The following NID1 variants were observed in gnomAD, a reference collection of about 807,000 sequenced individuals.
NID1 encodes the protein nidogen-1.
Under a neutral mutation model 130.6 loss-of-function variants are expected in NID1, and 76 were observed. The observed-to-expected ratio is 0.58, with a 90% CI of 0.48 to 0.70. The LOEUF is 0.70. Ranked by LOEUF, NID1 falls within the 30% of genes least tolerant of loss-of-function variation. The pLI is 0.00. For missense variants in NID1, 1,517 were observed against 1,664.8 expected (o/e 0.91, Z 1.54); for synonymous variants, 665 against 675.1 (o/e 0.98, Z 0.23).
At chr1:236,023,397 G>C (rs12401457) in intron 9 of NID1, among the ~76,000 whole-genome samples, 1 of 151,976 alleles carries the variant, frequency 6.6e-6, no homozygotes, top group African/African-American at 2.4e-5. Flanking sequence ...ATATGCAATC[G>C]TTAGAATAAT....
rs6662744 is a variant in NID1, at chr1:235,977,934, G to A, written c.3677C>T (p.Thr1226Ile). The part of the protein sequence containing the change: ...NGGCTHLCLA[T>I]PGSRTCRCPD... ...GCAACGGCAGGTCCTGCTCCCTGGGGTGGCCAAGCATAGGTGGGTGCAGCC... is the reference window on the plus strand; with the variant it reads ...GCAACGGCAGGTCCTGCTCCCTGGGATGGCCAAGCATAGGTGGGTGCAGCC... The change falls in exon 20 of 20, where the codon ACC (threonine) becomes ATC (isoleucine). Residue 1226 changes from threonine to isoleucine, a missense_variant. Thr to Ile is a moderately conservative substitution (Grantham distance 89). This residue lies in a region of NID1 where 181 missense variants were observed against 211.3 expected (regional missense o/e 0.86). Transcript: ENST00000264187. The A allele has an allele frequency of 9.9e-4, 1,600 of 1,614,172 alleles. 19 individuals carry two copies. In the African/African-American group the frequency reaches 0.017, roughly 17 times the overall value.
chr1:236,036,667 G>A (rs1193594950), intron 5 of NID1, among the ~76,000 whole-genome samples: 1 of 152,184 alleles, frequency 6.6e-6, no homozygotes, highest in Non-Finnish European at 1.5e-5. Context: ...GGGTCATGAG[G>A]GCTCTGCCCT....
At chr1:236,009,981 T>C (rs768742452) in intron 12 of NID1, among the ~76,000 whole-genome samples, 1 of 152,176 alleles carries the variant, frequency 6.6e-6, no homozygotes, top group Non-Finnish European at 1.5e-5. Context: ...TTCTGTTTAG[T>C]CAACAGAGTT....
intron 1 of NID1, among the ~76,000 whole-genome samples, chr1:236,055,865 C>T (rs939443218): frequency 6.6e-6 from 1 of 151,888 alleles, no homozygotes; most frequent in African/African-American, 2.4e-5. Flanking sequence ...TTAGGGTGTA[C>T]AACGCGATTT....
intron 6 of NID1, among the ~76,000 whole-genome samples, chr1:236,031,995 T>C (rs1659112921): frequency 6.6e-6 from 1 of 152,110 alleles, no homozygotes; most frequent in Admixed American, 6.6e-5. Flanking sequence ...CAGTTTCAGG[T>C]TGGTTTGGAA....
intron 2 of NID1, among the ~76,000 whole-genome samples, 181 bp downstream of exon 2, chr1:236,048,509 C>A (rs1659676066): frequency 6.6e-6 from 1 of 152,070 alleles, no homozygotes. Flanking sequence ...AGTTATACAA[C>A]CTTGCAGATA....
intron 1 of NID1, among the ~76,000 whole-genome samples, chr1:236,050,325 GGGT>G (rs1369470519): frequency 6.6e-6 from 1 of 152,014 alleles, no homozygotes; most frequent in African/African-American, 2.4e-5. Context: ...AGGCTGAGGC[GGGT>G]GGATCACCTG....
chr1:236,042,316 A>C (rs1384390304), intron 3 of NID1, 24 bp from the exon 4 acceptor site: 2 of 1,588,644 alleles, frequency 1.3e-6, no homozygotes, highest in Non-Finnish European at 1.7e-6. Flanking sequence ...CAGGCTTCTT[A>C]GAAACAGGCC....
At chr1:235,991,932 G>T (rs1572580817) in intron 13 of NID1, among the ~76,000 whole-genome samples, 1 of 152,294 alleles carries the variant, frequency 6.6e-6, no homozygotes, top group East Asian at 1.9e-4. Context: ...GGGCTTCCAA[G>T]AACAAAATCA....
intron 12 of NID1, among the ~76,000 whole-genome samples, chr1:236,004,921 A>G (rs1658204395): frequency 6.6e-6 from 1 of 152,098 alleles, no homozygotes; most frequent in South Asian, 2.1e-4. Context: ...CACGCCTGTA[A>G]TCCCAACACT....
At chr1:236,017,365 A>C in intron 9 of NID1, 92 bp from the exon 10 acceptor site, 1 of 1,398,840 alleles carries the variant, frequency 7.1e-7, no homozygotes, top group Non-Finnish European at 9.8e-7. Flanking sequence ...ACCTAAGAAT[A>C]GATCAATTTT....
Position 236,038,186 on chromosome 1 carries a change from T to C in NID1, c.1203A>G (p.Ala401=). Residue 401 remains alanine (A), a synonymous_variant, in exon 5 of 20, where the codon GCA becomes GCG. Transcript: ENST00000264187. ...ANNRHQCSVH[A]ECRDYATGFC... is the part of the protein sequence containing the mutation. ...AGCCCGTGGCGTAGTCCCTGCACTC[T>C]GCGTGCACCGAGCACTGGTGTCTGT... 1.2e-6 allele frequency: 2 copies of C among 1,613,698 alleles called. No individual in the cohort carries two copies. Among genetic ancestry groups the C allele is most frequent in the Non-Finnish European group, 1.7e-6 (2 of 1,179,664 alleles).
chr1:235,980,378 A>T, intron 17 of NID1, 118 bp downstream of exon 17: 1 of 997,690 alleles, frequency 1.0e-6, no homozygotes, highest in Non-Finnish European at 1.5e-6. Context: ...AACCATTCAT[A>T]GCTTCTGGGT....
In NID1 at chr1:236,013,401, A is replaced by C; in HGVS notation, c.2404+10T>G. ...GTTACACACAGGGGAAGATCAGAGCAACCACACACCTTGGCAGGCTTGGCC... is the reference window on the plus strand; with the variant it reads ...GTTACACACAGGGGAAGATCAGAGCCACCACACACCTTGGCAGGCTTGGCC... On this transcript the variant is annotated intron_variant, in intron 11 of 19. Transcript: ENST00000264187. 5 of 1,613,474 alleles carry C rather than the reference A, an allele frequency of 3.1e-6. No homozygotes were observed. Among genetic ancestry groups the C allele is most frequent in the African/African-American group, 2.7e-5 (2 of 74,908 alleles).
chr1:235,999,923 GA>G (rs1658030565), intron 12 of NID1, among the ~76,000 whole-genome samples: 1 of 152,076 alleles, frequency 6.6e-6, no homozygotes, highest in Non-Finnish European at 1.5e-5. Flanking sequence ...CCTTAAGACT[GA>G]AAGAACAGGC....
In NID1 at chr1:236,059,712, G is replaced by A. The variant is rs563099428; in HGVS notation, c.225+5143C>T. On this transcript the variant is annotated intron_variant, in intron 1 of 19. Coordinates refer to ENST00000264187, the MANE Select transcript of NID1 (RefSeq NM_002508.3). ...CTAAGGATTACTGGAAAGGGGTCCCGATCCAGACCCTCAGAAAGGGTTCTT... is the reference window on the plus strand; with the variant it reads ...CTAAGGATTACTGGAAAGGGGTCCCAATCCAGACCCTCAGAAAGGGTTCTT... Among the ~76,000 whole-genome samples the A allele has an allele frequency of 8.5e-5, 13 of 152,270 alleles. No individual in the cohort carries two copies. In the South Asian group the frequency reaches 2.1e-3, roughly 24 times the overall value.
intron 3 of NID1, among the ~76,000 whole-genome samples, chr1:236,044,869 C>G (rs1659553817): frequency 6.6e-6 from 1 of 152,004 alleles, no homozygotes; most frequent in Non-Finnish European, 1.5e-5. Context: ...TTTGAATAAC[C>G]CTTATTTCTA....
chr1:235,979,929 TTCCGCCCG>T lies in NID1; in HGVS notation c.3394_3401del (p.Arg1132MetfsTer76), dbSNP rs750175837. On this transcript the variant is annotated frameshift_variant, in exon 18 of 20. Transcript: ENST00000264187. LOFTEE classifies it high-confidence loss of function. The surrounding 1 kb of genome is among the most constrained non-coding windows in gnomAD (Gnocchi z 4.6). ...TGCTGGGCTGACTGGGGTTCAGGCA[TTCCGCCCG>T]ATTGGTGCCTGTGTGGAGTGGAAAC... is the stretch of plus-strand genomic sequence containing the variant. 1 of 1,613,984 alleles carries T rather than the reference TTCCGCCCG, an allele frequency of 6.2e-7. No individual in the cohort carries two copies. The highest frequency in any genetic ancestry group is 1.3e-5 in the African/African-American group (1 of 74,940).
In NID1 at chr1:236,038,195, C is replaced by T. The variant is rs755556419; in HGVS notation, c.1194G>A (p.Ser398=). 23 of 1,613,650 alleles carry T rather than the reference C, an allele frequency of 1.4e-5. No homozygotes were observed. Among genetic ancestry groups the T allele is most frequent in the African/African-American group, 6.7e-5 (5 of 74,938 alleles). Reference sequence around the variant, plus strand: ...CGTAGTCCCTGCACTCTGCGTGCACCGAGCACTGGTGTCTGTTGTTAGCAC... The same window carrying T: ...CGTAGTCCCTGCACTCTGCGTGCACTGAGCACTGGTGTCTGTTGTTAGCAC... ...QTCANNRHQC[S]VHAECRDYAT... Residue 398 remains serine, a synonymous_variant, in exon 5 of 20, where the codon TCG becomes TCA. Coordinates refer to ENST00000264187, the MANE Select transcript of NID1 (RefSeq NM_002508.3).
Sources: allele counts gnomAD v4.1 joint callset (sites outside exome capture counted in the v4.1 genomes callset), GRCh38; gene constraint gnomAD v4.1.1; regional missense constraint gnomAD v4.1.1; non-coding constraint Gnocchi (gnomAD v3.1); transcripts MANE v1.5; gene names NCBI Gene and HGNC (gene_info 2026-07-23, HGNC 2026-07-21).